Variants in ABCE1 observed in about 807,000 individuals in gnomAD.
ABCE1 encodes the protein ATP binding cassette subfamily E member 1, also known as ATP-binding cassette sub-family E member 1.
A neutral mutation model predicts 83.4 loss-of-function variants in ABCE1; 22 were observed. The observed-to-expected ratio is 0.26, with a 90% CI of 0.19 to 0.38. The LOEUF (loss-of-function observed/expected upper bound fraction) is 0.38. Ranked by LOEUF, ABCE1 falls within the 10% of genes least tolerant of loss-of-function variation. The pLI, the probability that ABCE1 is intolerant of heterozygous loss-of-function variation, is 1.00. For synonymous variants in ABCE1, 204 were observed against 233.7 expected, an observed-to-expected ratio of 0.87 and a Z score of 1.16; for missense variants, 330 against 721.9, an observed-to-expected ratio of 0.46 and a Z score of 6.22.
intron 1 of ABCE1, among the ~76,000 whole-genome samples, chr4:145,102,838 G>A (rs1216408004): frequency 2.0e-5 from 3 of 152,052 alleles, no homozygotes; most frequent in Non-Finnish European, 4.4e-5. Context: ...TTGAAGTTGA[G>A]GTTATAGAAG....
intron 9 of ABCE1, among the ~76,000 whole-genome samples, chr4:145,116,918 A>G (rs1008091256): frequency 6.6e-6 from 1 of 151,922 alleles, no homozygotes; most frequent in Non-Finnish European, 1.5e-5. Flanking sequence ...ATCCCCTACT[A>G]CAGCTAGCAT....
At chr4:145,126,058 C>A (rs983934050) in intron 17 of ABCE1, among the ~76,000 whole-genome samples, 1 of 151,890 alleles carries the variant, frequency 6.6e-6, no homozygotes, top group Non-Finnish European at 1.5e-5. Flanking sequence ...GCCCCCGCAA[C>A]CCCCGCAAAA....
rs991344460 is a variant in ABCE1, at chr4:145,128,146, T to G, written c.*573T>G. 1.3e-5 allele frequency: 2 copies of G among 152,640 alleles called. No homozygotes were observed. The highest frequency in any genetic ancestry group is 2.9e-5 in the Non-Finnish European group (2 of 68,036). The allele number at this position is 152,640 out of a possible 1,614,324, so 9.5% of individuals were successfully genotyped here. On this transcript the variant is annotated 3_prime_UTR_variant, in exon 18 of 18. Coordinates refer to ENST00000296577, the MANE Select transcript of ABCE1 (RefSeq NM_002940.3). ...ACCACTGTTGGAAAAATAGGTATTT[T>G]TAAATTGTTTTTAATCTTTTTTGGT...
At chr4:145,107,019 G>C (rs1244912539) in intron 3 of ABCE1, among the ~76,000 whole-genome samples, 1 of 151,946 alleles carries the variant, frequency 6.6e-6, no homozygotes, top group African/African-American at 2.4e-5. Context: ...TATAATTTTT[G>C]CATGTACCTC....
At chr4:145,108,191 T>C (rs1218380414) in intron 4 of ABCE1, 79 bp downstream of exon 4, 2 of 1,297,582 alleles carry the variant, frequency 1.5e-6, no homozygotes, top group East Asian at 2.3e-5. Flanking sequence ...AGTGCAGAAA[T>C]TGGGGGGAAA....
chr4:145,098,818 A>T (rs544517808), intron 1 of ABCE1, among the ~76,000 whole-genome samples: 59 of 152,318 alleles, frequency 3.9e-4, no homozygotes, highest in Non-Finnish European at 7.3e-4. Context: ...AAATGGATAT[A>T]TTGTCACATG....
chr4:145,103,652 G>A (rs1749215010), intron 1 of ABCE1, among the ~76,000 whole-genome samples: 1 of 152,108 alleles, frequency 6.6e-6, no homozygotes, highest in African/African-American at 2.4e-5. Context: ...GCTTAGTTTG[G>A]GGGAAGAGCT....
At chr4:145,109,974 C>A (rs966926607) in intron 5 of ABCE1, 129 bp from the exon 6 acceptor site, 2 of 750,972 alleles carry the variant, frequency 2.7e-6, no homozygotes, top group South Asian at 2.5e-5. Flanking sequence ...TAATTATGTT[C>A]GCCTCCAACC....
At chr4:145,108,249 C>A in intron 4 of ABCE1, 137 bp downstream of exon 4, 1 of 752,986 alleles carries the variant, frequency 1.3e-6, no homozygotes, top group Non-Finnish European at 2.2e-6. Flanking sequence ...TAACATCATG[C>A]AGAATCATAC....
chr4:145,121,238 AT>A lies in ABCE1; in HGVS notation c.1204+8del. On this transcript the variant is annotated splice_donor_region_variant and intron_variant, in intron 12 of 17. Transcript: ENST00000296577. ...GACTTAAACCTGATGAAGGAGGTAC[AT>A]TTGTAACTGTTGAGTCTTTTTACTC... 6.2e-7 allele frequency: 1 copy of A among 1,613,838 alleles called. No homozygotes were observed. Among genetic ancestry groups the A allele is most frequent in the Non-Finnish European group, 8.5e-7 (1 of 1,179,872 alleles).
At chr4:145,120,364 T>G (rs950732230) in intron 11 of ABCE1, among the ~76,000 whole-genome samples, 5 of 152,142 alleles carry the variant, frequency 3.3e-5, no homozygotes, top group African/African-American at 1.2e-4. Context: ...GTTCTTATTT[T>G]GTTTTATAAC....
intron 13 of ABCE1, chr4:145,122,130 A>G (rs1334530400): frequency 6.6e-6 from 1 of 152,256 alleles, no homozygotes; most frequent in African/African-American, 2.4e-5. Context: ...AACAAATGCC[A>G]CAGTCCTTGA....
rs1466491330 is a variant in ABCE1 at position 145,121,152 on chromosome 4, CTG to C, written c.1145-20_1145-19del. The C allele has an allele frequency of 1.9e-6, 3 of 1,611,428 alleles. No individual in the cohort carries two copies. Among genetic ancestry groups the C allele is most frequent in the East Asian group, 2.2e-5 (1 of 44,822 alleles). ...AACGTCAAGCATCTTTCAGATCAAA[CTG>C]TCATATGTTGTGTTGCCAGGAACGG... On this transcript the variant is annotated intron_variant, in intron 11 of 17. Coordinates refer to ENST00000296577, the MANE Select transcript of ABCE1 (RefSeq NM_002940.3).
rs1749245943 is a variant in ABCE1 at position 145,104,534 on chromosome 4, C to T, written c.103+19C>T. 2 of 1,479,196 alleles carry T rather than the reference C, an allele frequency of 1.4e-6. No individual in the cohort carries two copies. Among genetic ancestry groups the T allele is most frequent in the African/African-American group, 2.8e-5 (2 of 70,480 alleles). The allele number at this position is 1,479,196 out of a possible 1,614,324, so 91.6% of individuals were successfully genotyped here. On this transcript the variant is annotated intron_variant, in intron 2 of 17. Transcript: ENST00000296577. ...CGAATGGGTAAGCTGTTCTGTGGAT[C>T]ATTTAAGTATAAAAGAAAACCATGA...
At chr4:145,125,407 G>A (rs1223621595) in intron 17 of ABCE1, among the ~76,000 whole-genome samples, 1 of 152,168 alleles carries the variant, frequency 6.6e-6, no homozygotes, top group East Asian at 1.9e-4. Flanking sequence ...GGTGGAGGTT[G>A]TAGTGAGCTG....
At chr4:145,112,660 C>T (rs34291406) in intron 9 of ABCE1, among the ~76,000 whole-genome samples, 4,117 of 152,234 alleles carry the variant, frequency 0.027, 171 homozygotes, top group African/African-American at 0.094. Context: ...CGCACGCACA[C>T]GCTTAGAATT....
At chr4:145,126,494 A>G (rs545311681) in intron 17 of ABCE1, among the ~76,000 whole-genome samples, 85 of 152,142 alleles carry the variant, frequency 5.6e-4, no homozygotes, top group South Asian at 1.2e-3. Flanking sequence ...ATGGGGTTTC[A>G]CCATCTTGCC....
intron 16 of ABCE1, 68 bp downstream of exon 16, chr4:145,123,668 C>A: frequency 1.4e-6 from 2 of 1,432,276 alleles, no homozygotes; most frequent in Admixed American, 2.3e-5. Flanking sequence ...TAAAGTCACT[C>A]ACTTTAATTT....
At chr4:145,127,442 TA>T in intron 17 of ABCE1, 83 bp from the exon 18 acceptor site, 2 of 1,222,096 alleles carry the variant, frequency 1.6e-6, no homozygotes, top group Non-Finnish European at 2.3e-6. Context: ...TAAGCACAGC[TA>T]AGTAATACCA....
Sources: gnomAD v4.1 joint callset for allele counts (sites outside exome capture counted in the v4.1 genomes callset) on GRCh38, gnomAD v4.1.1 for gene constraint, MANE v1.5 for transcripts, NCBI Gene and HGNC (gene_info 2026-07-23, HGNC 2026-07-21) for gene names.